The following DNAJC16 variants were observed in gnomAD, a reference collection of about 807,000 sequenced individuals.
DNAJC16 encodes DnaJ heat shock protein family (Hsp40) member C16, also known as dnaJ homolog subfamily C member 16.
In DNAJC16, 76 loss-of-function variants were observed where a neutral mutation model predicts 92.7. That is an observed-to-expected ratio of 0.82 (90% CI 0.68 to 0.99). DNAJC16 has a LOEUF of 0.99. Among genes scored for constraint, DNAJC16 ranks in the 50% least tolerant of loss-of-function variants. The pLI is 0.00. For missense variants in DNAJC16, 869 were observed against 942.4 expected (o/e 0.92, Z 1.02); for synonymous variants, 328 against 358.7 (o/e 0.91, Z 0.97).
chr1:15,540,875 A>G (rs1710916762), intron 4 of DNAJC16, among the ~76,000 whole-genome samples: 3 of 152,174 alleles, frequency 2.0e-5, no homozygotes, highest in Admixed American at 6.5e-5. Context: ...AATCCCTGGT[A>G]AGGTCATTTA....
At chr1:15,541,457 C>T (rs1341390000) in intron 4 of DNAJC16, among the ~76,000 whole-genome samples, 4 of 152,130 alleles carry the variant, frequency 2.6e-5, no homozygotes, top group Non-Finnish European at 4.4e-5. Flanking sequence ...AGTCACTTTA[C>T]CTCTCTGAAC....
chr1:15,544,457 G>A lies in DNAJC16; in HGVS notation c.633G>A (p.Gly211=). The part of the protein sequence containing the change: ...GYERRLAHHL[G]AHSTPSILGI... The stretch of plus-strand genomic sequence containing the variant: ...AGAGACGCCTGGCCCATCACCTAGG[G>A]GCACACAGCACGCCCTCTATCCTAG... The change falls in exon 5 of 15, where the codon GGG becomes GGA. Residue 211 remains glycine (G), a synonymous_variant. Transcript: ENST00000375847. 6.2e-7 allele frequency: 1 copy of A among 1,614,056 alleles called. No homozygotes were observed. Among genetic ancestry groups the A allele is most frequent in the Non-Finnish European group, 8.5e-7 (1 of 1,179,990 alleles).
intron 7 of DNAJC16, among the ~76,000 whole-genome samples, chr1:15,556,378 A>G (rs1638572708): frequency 1.3e-5 from 2 of 152,054 alleles, no homozygotes; most frequent in Non-Finnish European, 2.9e-5. Flanking sequence ...CTGGGATTAC[A>G]GGCATGCACC....
At chr1:15,546,131 C>T (rs576208187) in intron 5 of DNAJC16, among the ~76,000 whole-genome samples, 13 of 152,112 alleles carry the variant, frequency 8.5e-5, no homozygotes, top group African/African-American at 2.4e-4. Flanking sequence ...ATACTGAGAC[C>T]CAATCTCTAC....
chr1:15,539,158 A>C (rs1240554628), intron 4 of DNAJC16, among the ~76,000 whole-genome samples: 1 of 152,214 alleles, frequency 6.6e-6, no homozygotes, highest in Admixed American at 6.5e-5. Context: ...TTAATTCCCG[A>C]GGGTGTGCAG....
chr1:15,530,082 G>A (rs1710619144), intron 2 of DNAJC16, among the ~76,000 whole-genome samples: 3 of 151,986 alleles, frequency 2.0e-5, no homozygotes, highest in South Asian at 2.1e-4. Flanking sequence ...ATCCATGGAT[G>A]TGAAACCAAC....
intron 11 of DNAJC16, 91 bp downstream of exon 11, chr1:15,564,450 C>G: frequency 1.1e-6 from 1 of 898,250 alleles, no homozygotes; most frequent in Non-Finnish European, 1.9e-6. Flanking sequence ...TATTAAATTT[C>G]AAGGTACACT....
chr1:15,564,870 T>G (rs1638774958), intron 11 of DNAJC16, among the ~76,000 whole-genome samples: 1 of 150,462 alleles, frequency 6.6e-6, no homozygotes, highest in Non-Finnish European at 1.5e-5. Context: ...AGTCTCACTC[T>G]GTCACTCAGA....
At chr1:15,560,130 G>A (rs1018674913) in intron 8 of DNAJC16, 2 of 150,750 alleles carry the variant, frequency 1.3e-5, no homozygotes, top group South Asian at 4.2e-4. Flanking sequence ...TGATGTATTA[G>A]TCCAGGGCAC....
intron 7 of DNAJC16, among the ~76,000 whole-genome samples, chr1:15,549,388 T>G (rs1270580923): frequency 6.6e-6 from 1 of 152,184 alleles, no homozygotes; most frequent in East Asian, 1.9e-4. Flanking sequence ...GTTGAAGTCC[T>G]GAGTAGGGTA....
At chr1:15,554,537 C>G (rs963694625) in intron 7 of DNAJC16, among the ~76,000 whole-genome samples, 6 of 152,082 alleles carry the variant, frequency 3.9e-5, no homozygotes, top group Admixed American at 1.3e-4. Context: ...TTGGAATAGT[C>G]TTGATATCTG....
intron 9 of DNAJC16, 26 bp from the exon 10 acceptor site, chr1:15,563,903 A>G: frequency 6.4e-7 from 1 of 1,557,860 alleles, no homozygotes. Flanking sequence ...GAAACTTCTG[A>G]TGTTTTTTCT....
intron 2 of DNAJC16, among the ~76,000 whole-genome samples, chr1:15,529,714 A>G (rs984001240): frequency 2.0e-5 from 3 of 152,164 alleles, no homozygotes; most frequent in Non-Finnish European, 4.4e-5. Flanking sequence ...GTTAAGAGTA[A>G]TAGCCTTTTG....
chr1:15,564,413 G>GT, intron 11 of DNAJC16, 54 bp downstream of exon 11: 1 of 1,147,400 alleles, frequency 8.7e-7, no homozygotes, highest in South Asian at 1.2e-5. Context: ...TGATATCACT[G>GT]TTTTTCTTTT....
chr1:15,540,454 C>CT (rs1012490865), intron 4 of DNAJC16, among the ~76,000 whole-genome samples: 2 of 152,052 alleles, frequency 1.3e-5, no homozygotes, highest in African/African-American at 4.8e-5. Flanking sequence ...GCCCAGCTAA[C>CT]TTTTTTTTAG....
intron 11 of DNAJC16, 144 bp downstream of exon 11, chr1:15,564,503 CT>C: frequency 3.3e-6 from 2 of 598,334 alleles, no homozygotes; most frequent in Admixed American, 6.4e-5. Context: ...TTCTATTCCC[CT>C]TTTTCTTTCT....
chr1:15,561,626 G>T (rs1456099001), intron 8 of DNAJC16, among the ~76,000 whole-genome samples: 2 of 151,832 alleles, frequency 1.3e-5, no homozygotes, highest in Non-Finnish European at 2.9e-5. Flanking sequence ...CGGAGTTACA[G>T]TGAGCCGAGA....
rs1015846860 is a variant in DNAJC16 at position 15,569,460 on chromosome 1, A to G, written c.*1283A>G. On this transcript the variant is annotated 3_prime_UTR_variant, in exon 15 of 15. Transcript: ENST00000375847. ...GGTATAGTGGACCCCAGGGTGCCTCATACCAGCCAGTTAGAGAGCATACCT... is the reference window on the plus strand; with the variant it reads ...GGTATAGTGGACCCCAGGGTGCCTCGTACCAGCCAGTTAGAGAGCATACCT... The G allele has an allele frequency of 1.3e-5, 2 of 152,134 alleles. No homozygotes were observed. The highest frequency in any genetic ancestry group is 4.8e-5 in the African/African-American group (2 of 41,414). 9.4% of individuals were successfully genotyped at this position (152,134 alleles called of 1,614,324 possible). A position where few individuals can be genotyped will look rare whatever the true frequency, so the allele number is the denominator to read the frequency against.
chr1:15,567,911 A>C lies in DNAJC16; in HGVS notation c.2083A>C (p.Thr695Pro). 1 of 1,614,210 alleles carries C rather than the reference A, an allele frequency of 6.2e-7. No homozygotes were observed. Among genetic ancestry groups the C allele is most frequent in the Non-Finnish European group, 8.5e-7 (1 of 1,180,036 alleles). The change falls in exon 15 of 15, where the codon ACT becomes CCT. Residue 695 changes from threonine to proline, a missense_variant. Coordinates refer to ENST00000375847, the MANE Select transcript of DNAJC16 (RefSeq NM_015291.4). The part of the protein sequence containing the change: ...YDKHFMERDY[T>P]GYVLALNGHK... The stretch of plus-strand genomic sequence containing the variant: ...TAAGCATTTCATGGAGCGTGACTAC[A>C]CTGGTTATGTACTGGCTCTGAATGG...
Sources: gnomAD v4.1 joint callset for allele counts (sites outside exome capture counted in the v4.1 genomes callset) on GRCh38, gnomAD v4.1.1 for gene constraint, MANE v1.5 for transcripts, NCBI Gene and HGNC (gene_info 2026-07-23, HGNC 2026-07-21) for gene names.